Variants in DIAPH1 observed in about 807,000 individuals in gnomAD.
DIAPH1 encodes the protein protein diaphanous homolog 1.
DIAPH1 carries 46 observed loss-of-function variants against 140.7 expected under a neutral mutation model. The ratio of observed to expected loss-of-function variants is 0.33; its 90% CI spans 0.26 to 0.42. The LOEUF (loss-of-function observed/expected upper bound fraction) is 0.42. Among genes scored for constraint, DIAPH1 ranks in the 10% least tolerant of loss-of-function variants. The pLI is 1.00. For synonymous variants in DIAPH1, 565 were observed against 551.6 expected, an observed-to-expected ratio of 1.02 and a Z score of -0.34; for missense variants, 1,310 against 1,558.7, an observed-to-expected ratio of 0.84 and a Z score of 2.69.
chr5:141,533,487 C>A (rs977979100), intron 19 of DIAPH1, among the ~76,000 whole-genome samples: 1 of 152,090 alleles, frequency 6.6e-6, no homozygotes, highest in Non-Finnish European at 1.5e-5. Context: ...ACAAAATTTA[C>A]CTTAGTTATT....
chr5:141,576,137 T>C, intron 14 of DIAPH1, 93 bp downstream of exon 14: 3 of 1,118,310 alleles, frequency 2.7e-6, no homozygotes, highest in Non-Finnish European at 2.7e-6. Context: ...GCTTCCAAAA[T>C]ACCACAGAGG....
At chr5:141,596,376 G>C (rs1038171811) in intron 1 of DIAPH1, among the ~76,000 whole-genome samples, 3 of 151,934 alleles carry the variant, frequency 2.0e-5, no homozygotes, top group African/African-American at 4.8e-5. Context: ...TGTAGCGCTT[G>C]CCTGTAGTCC....
chr5:141,578,959 A>G (rs565793634), intron 9 of DIAPH1, 129 bp downstream of exon 9: 13 of 817,930 alleles, frequency 1.6e-5, no homozygotes, highest in Middle Eastern at 2.4e-4. Context: ...TTTTCCCTTC[A>G]TAACAGATTC....
intron 1 of DIAPH1, among the ~76,000 whole-genome samples, chr5:141,590,764 G>T (rs2099898270): frequency 1.3e-5 from 2 of 151,638 alleles, no homozygotes; most frequent in South Asian, 4.2e-4. Flanking sequence ...AGGGTGGGGG[G>T]TAACCAGCAA....
At chr5:141,601,319 T>C (rs1377151753) in intron 1 of DIAPH1, among the ~76,000 whole-genome samples, 1 of 151,262 alleles carries the variant, frequency 6.6e-6, no homozygotes, top group South Asian at 2.1e-4. Context: ...TGAGATGAAG[T>C]ATCACTCTGT....
At chr5:141,593,780 T>C (rs2099898866) in intron 1 of DIAPH1, among the ~76,000 whole-genome samples, 1 of 152,186 alleles carries the variant, frequency 6.6e-6, no homozygotes, top group South Asian at 2.1e-4. Context: ...ACAACACGGA[T>C]GATGCCAAAT....
intron 27 of DIAPH1, among the ~76,000 whole-genome samples, chr5:141,521,874 T>C (rs2154594878): frequency 6.6e-6 from 1 of 152,200 alleles, no homozygotes; most frequent in African/African-American, 2.4e-5. Context: ...ACAAAAAAAA[T>C]ATTAGAGCTG....
rs530677460 is a variant in DIAPH1 at position 141,567,338 on chromosome 5, A to G, written c.2482+4090T>C. The stretch of plus-strand genomic sequence containing the variant: ...GAGGTATGGTACTTTTTCCATGTGA[A>G]GAAGTTCTGGAAACCCCAGATAATA... On this transcript the variant is annotated intron_variant, in intron 18 of 27. Transcript: ENST00000389054. Among the ~76,000 whole-genome samples, 4 of 152,302 alleles carry G rather than the reference A, an allele frequency of 2.6e-5. No individual in the cohort carries two copies. In the East Asian group the frequency reaches 7.7e-4, roughly 29 times the overall value.
chr5:141,579,029 A>C, intron 9 of DIAPH1, 59 bp downstream of exon 9: 1 of 1,273,250 alleles, frequency 7.9e-7, no homozygotes, highest in East Asian at 2.3e-5. Flanking sequence ...GGTCAAATGA[A>C]TTTAAGTCTG....
chr5:141,533,239 C>A (rs1184830347), intron 19 of DIAPH1, among the ~76,000 whole-genome samples: 1 of 152,066 alleles, frequency 6.6e-6, no homozygotes, highest in African/African-American at 2.4e-5. Flanking sequence ...ACATAGCAGA[C>A]CCTGAAATAT....
At chr5:141,570,058 A>G (rs2099894933) in intron 18 of DIAPH1, among the ~76,000 whole-genome samples, 1 of 152,172 alleles carries the variant, frequency 6.6e-6, no homozygotes, top group Non-Finnish European at 1.5e-5. Flanking sequence ...ATCCCAATTC[A>G]TAATGAGAAT....
chr5:141,578,201 T>C (rs1358101477), intron 11 of DIAPH1, 24 bp downstream of exon 11: 1 of 1,553,720 alleles, frequency 6.4e-7, no homozygotes, highest in Admixed American at 1.7e-5. Context: ...TCATCTGCCT[T>C]GAACCTAGTC....
Position 141,573,549 on chromosome 5 carries a change from T to TAATCCA in DIAPH1, c.2295_2300dup (p.Phe765_Gly766dup). 1 of 1,613,460 alleles carries TAATCCA rather than the reference T, an allele frequency of 6.2e-7. No homozygotes were observed. Among genetic ancestry groups the TAATCCA allele is most frequent in the South Asian group, 1.1e-5 (1 of 91,054 alleles). On this transcript the variant is annotated inframe_insertion, in exon 16 of 28. Coordinates refer to ENST00000389054, the MANE Select transcript of DIAPH1 (RefSeq NM_005219.5). ...CTGGCTTATAAAGCTTTTTGGGGGT[T>TAATCCA]AATCCAAATGGCAGAACTGGGGCTG...
In DIAPH1 at chr5:141,618,908, G is replaced by T; in HGVS notation, c.7C>A (p.Pro3Thr). The T allele has an allele frequency of 6.6e-7, 1 of 1,508,576 alleles. No homozygotes were observed. Among genetic ancestry groups the T allele is most frequent in the Non-Finnish European group, 8.9e-7 (1 of 1,127,422 alleles). The allele number at this position is 1,508,576 out of a possible 1,614,324, so 93.4% of individuals were successfully genotyped here. The change falls in exon 1 of 28, where the codon CCG becomes ACG. Residue 3 changes from proline (P) to threonine (T), a missense_variant. By Grantham distance (38) the Pro-to-Thr change is conservative. This residue lies in a region of DIAPH1 where 377 missense variants were observed against 497.1 expected (regional missense o/e 0.76). Transcript: ENST00000389054. ...CCGGGCCCCAGGCTCCCGCCGGGCG[G>T]CTCCATGTCCCGGTTCACGCTGGCC... ME[P>T]PGGSLGPGRG...
At chr5:141,561,549 C>G (rs2099893541) in intron 18 of DIAPH1, among the ~76,000 whole-genome samples, 1 of 152,020 alleles carries the variant, frequency 6.6e-6, no homozygotes, top group East Asian at 1.9e-4. Flanking sequence ...ATGTCAGACA[C>G]TGAAATTTCC....
intron 1 of DIAPH1, among the ~76,000 whole-genome samples, chr5:141,612,032 A>G (rs1221039433): frequency 1.3e-5 from 2 of 152,184 alleles, no homozygotes; most frequent in African/African-American, 4.8e-5. Flanking sequence ...ATGCCACTGT[A>G]CTCCAGCCTG....
At chr5:141,609,682 C>T (rs780659252) in intron 1 of DIAPH1, among the ~76,000 whole-genome samples, 1 of 152,040 alleles carries the variant, frequency 6.6e-6, no homozygotes. Flanking sequence ...GTTGTTATTC[C>T]CTATCCTAGT....
chr5:141,571,354 A>G, intron 18 of DIAPH1, 74 bp downstream of exon 18: 2 of 1,274,956 alleles, frequency 1.6e-6, no homozygotes, highest in South Asian at 2.6e-5. Flanking sequence ...CTAATGAGAA[A>G]TTCCTTTATA....
At chr5:141,588,272 G>C in intron 1 of DIAPH1, 22 bp from the exon 2 acceptor site, 1 of 1,602,758 alleles carries the variant, frequency 6.2e-7, no homozygotes, top group Non-Finnish European at 8.5e-7. Flanking sequence ...GAAAAAGGAG[G>C]GAGAAGAAAG....
Sources: gnomAD v4.1 joint callset for allele counts (sites outside exome capture counted in the v4.1 genomes callset) on GRCh38, gnomAD v4.1.1 for gene constraint, gnomAD v4.1.1 regional missense constraint, MANE v1.5 for transcripts, NCBI Gene and HGNC (gene_info 2026-07-23, HGNC 2026-07-21) for gene names.